BIRC6: variants seen among roughly 807,000 people sequenced by gnomAD.
BIRC6 encodes the protein dual E2 ubiquitin-conjugating enzyme/E3 ubiquitin-protein ligase BIRC6.
BIRC6 carries 98 observed loss-of-function variants against 503.3 expected under a neutral mutation model. That is an observed-to-expected ratio of 0.19 (90% CI 0.17 to 0.23). The LOEUF (loss-of-function observed/expected upper bound fraction) is 0.23, where lower values mean the gene tolerates loss of function less well. BIRC6 is among the 10% of genes least tolerant of loss of function. The pLI is 1.00. For missense variants in BIRC6, 5,360 were observed against 5,806.0 expected, an observed-to-expected ratio of 0.92 and a Z score of 2.50; for synonymous variants, 2,240 against 2,078.7, an observed-to-expected ratio of 1.08 and a Z score of -2.11.
At chr2:32,521,087 A>G (rs1175893550) in intron 57 of BIRC6, among the ~76,000 whole-genome samples, 2 of 152,108 alleles carry the variant, frequency 1.3e-5, no homozygotes, top group South Asian at 2.1e-4. Flanking sequence ...CTCAAAAGTT[A>G]TATGTGCTGA....
At chr2:32,501,311 CTT>C (rs1182128400) in intron 46 of BIRC6, among the ~76,000 whole-genome samples, 1 of 152,082 alleles carries the variant, frequency 6.6e-6, no homozygotes, top group African/African-American at 2.4e-5. Flanking sequence ...CATGTCCTCT[CTT>C]CTTGATGTAT....
intron 65 of BIRC6, among the ~76,000 whole-genome samples, chr2:32,574,322 T>G (rs2060118269): frequency 6.6e-6 from 1 of 151,972 alleles, no homozygotes; most frequent in Non-Finnish European, 1.5e-5. Context: ...TTTACCATGT[T>G]GCCCAGGCCG....
chr2:32,613,732 T>C (rs151253324), intron 73 of BIRC6, among the ~76,000 whole-genome samples: 1 of 152,312 alleles, frequency 6.6e-6, no homozygotes, highest in African/African-American at 2.4e-5. Context: ...ACTCATAACA[T>C]TTGTCTAATG....
chr2:32,617,475 G>A (rs888779491), intron 73 of BIRC6, among the ~76,000 whole-genome samples: 2 of 152,200 alleles, frequency 1.3e-5, no homozygotes, highest in African/African-American at 2.4e-5. Flanking sequence ...CAGCTTGGCA[G>A]CATGGGTAGG....
At chr2:32,360,465 T>C (rs2033887486) in intron 1 of BIRC6, among the ~76,000 whole-genome samples, 1 of 152,242 alleles carries the variant, frequency 6.6e-6, no homozygotes, top group South Asian at 2.1e-4. Context: ...CTGCGTGATC[T>C]GGCTTTTACT....
chr2:32,579,719 AAAAG>A (rs781504646), intron 66 of BIRC6, among the ~76,000 whole-genome samples: 3 of 152,048 alleles, frequency 2.0e-5, no homozygotes, highest in Non-Finnish European at 4.4e-5. Flanking sequence ...AAGAAAATAA[AAAAG>A]AAAGCTGGAA....
At chr2:32,465,567 T>C (rs2048456818) in intron 26 of BIRC6, among the ~76,000 whole-genome samples, 1 of 152,178 alleles carries the variant, frequency 6.6e-6, no homozygotes, top group Admixed American at 6.5e-5. Context: ...ATAAGAATAA[T>C]AACATATCCT....
intron 22 of BIRC6, 126 bp downstream of exon 22, chr2:32,449,054 A>C (rs1463669194): frequency 1.2e-6 from 1 of 805,394 alleles, no homozygotes; most frequent in Non-Finnish European, 1.8e-6. Flanking sequence ...AGAACTTATC[A>C]TATGAATTAT....
chr2:32,538,688 T>C (rs938086501), intron 61 of BIRC6, among the ~76,000 whole-genome samples: 3 of 152,216 alleles, frequency 2.0e-5, no homozygotes, highest in African/African-American at 7.2e-5. Context: ...CCCAGCACTT[T>C]GGGAGGCCGA....
chr2:32,373,130 T>C (rs948646225), intron 1 of BIRC6, among the ~76,000 whole-genome samples: 1 of 152,190 alleles, frequency 6.6e-6, no homozygotes, highest in Non-Finnish European at 1.5e-5. Context: ...TGTTAAGATA[T>C]CTATACTGCC....
chr2:32,393,045 A>G (rs182124035), intron 5 of BIRC6, among the ~76,000 whole-genome samples: 2 of 152,160 alleles, frequency 1.3e-5, no homozygotes, highest in African/African-American at 2.4e-5. Context: ...ATCTGCATTC[A>G]TAACACAGTA....
intron 45 of BIRC6, among the ~76,000 whole-genome samples, chr2:32,496,355 A>G (rs1426263583): frequency 6.6e-6 from 1 of 151,936 alleles, no homozygotes; most frequent in Non-Finnish European, 1.5e-5. Flanking sequence ...CCTCCTGAGT[A>G]GCTGGGATTA....
chr2:32,580,293 T>G (rs953684797), intron 66 of BIRC6, among the ~76,000 whole-genome samples: 6 of 152,090 alleles, frequency 3.9e-5, no homozygotes, highest in Admixed American at 3.3e-4. Context: ...ATCTGACATA[T>G]TAGTAGAATT....
intron 61 of BIRC6, among the ~76,000 whole-genome samples, chr2:32,535,301 T>C (rs2057135691): frequency 6.7e-6 from 1 of 149,316 alleles, no homozygotes; most frequent in Admixed American, 6.7e-5. Flanking sequence ...AATTACAACT[T>C]TATTTTATTT....
intron 1 of BIRC6, among the ~76,000 whole-genome samples, chr2:32,373,711 A>G (rs767064095): frequency 1.3e-5 from 2 of 152,180 alleles, no homozygotes; most frequent in Non-Finnish European, 2.9e-5. Flanking sequence ...AAATAGAATT[A>G]CCATATGATC....
chr2:32,489,023 T>C (rs1572574753), intron 42 of BIRC6, among the ~76,000 whole-genome samples: 1 of 152,198 alleles, frequency 6.6e-6, no homozygotes, highest in East Asian at 1.9e-4. Flanking sequence ...CAGGTCAGTT[T>C]TTTATTATTT....
chr2:32,507,005 A>G (rs573804159), intron 50 of BIRC6, among the ~76,000 whole-genome samples: 1 of 152,302 alleles, frequency 6.6e-6, no homozygotes, highest in Admixed American at 6.5e-5. Context: ...CAAAAGTTTT[A>G]GTTGACATAT....
intron 62 of BIRC6, among the ~76,000 whole-genome samples, chr2:32,545,404 T>A (rs2057987488): frequency 1.3e-5 from 2 of 152,238 alleles, no homozygotes; most frequent in South Asian, 4.1e-4. Context: ...GCTATGATCA[T>A]ACATATGTTT....
chr2:32,480,027 T>C (rs1340611454), intron 37 of BIRC6, among the ~76,000 whole-genome samples: 1 of 152,198 alleles, frequency 6.6e-6, no homozygotes, highest in Non-Finnish European at 1.5e-5. Context: ...TATAATCCTT[T>C]ATCATCTCCA....
Sources: gnomAD v4.1 joint callset for allele counts (sites outside exome capture counted in the v4.1 genomes callset) on GRCh38, gnomAD v4.1.1 for gene constraint, MANE v1.5 for transcripts, NCBI Gene and HGNC (gene_info 2026-07-23, HGNC 2026-07-21) for gene names.